COG5: variants seen among roughly 807,000 people sequenced by gnomAD.
The protein encoded by COG5 is conserved oligomeric Golgi complex subunit 5.
Under a neutral mutation model 110.4 loss-of-function variants are expected in COG5, and 86 were observed. The ratio of observed to expected loss-of-function variants is 0.78; its 90% confidence interval spans 0.65 to 0.93. The LOEUF is 0.93. COG5 is among the 40% of genes least tolerant of loss of function. The pLI, the probability that COG5 is intolerant of heterozygous loss-of-function variation, is 0.00. For missense variants in COG5, 1,077 were observed against 987.0 expected (o/e 1.09, Z -1.22); for synonymous variants, 360 against 334.6 (o/e 1.08, Z -0.83).
chr7:107,341,819 G>C (rs1811191309), intron 10 of COG5, among the ~76,000 whole-genome samples: 2 of 152,148 alleles, frequency 1.3e-5, no homozygotes, highest in Admixed American at 1.3e-4. Flanking sequence ...GGGATAACTG[G>C]TAAGCCATAG....
chr7:107,527,431 C>G (rs1800854925), intron 5 of COG5, 74 bp from the exon 6 acceptor site: 1 of 1,533,476 alleles, frequency 6.5e-7, no homozygotes, highest in East Asian at 2.3e-5. Flanking sequence ...TAATAACAAG[C>G]ACAGTGGGTT....
chr7:107,281,406 A>G lies in COG5; in HGVS notation c.1476-7T>C. Reference sequence around the variant, plus strand: ...AGCAGCAACATTTAGTTCACTGGAGAAAATGAAAACAGTTTTTAAATATTA... The same window carrying G: ...AGCAGCAACATTTAGTTCACTGGAGGAAATGAAAACAGTTTTTAAATATTA... On this transcript the variant is annotated splice_region_variant and splice_polypyrimidine_tract_variant and intron_variant, in intron 13 of 21. Transcript: ENST00000297135. 1.2e-6 allele frequency: 2 copies of G among 1,602,186 alleles called. No individual in the cohort carries two copies. The highest frequency in any genetic ancestry group is 1.7e-6 in the Non-Finnish European group (2 of 1,169,316).
chr7:107,323,527 T>C (rs574678189), intron 11 of COG5, among the ~76,000 whole-genome samples: 1 of 152,264 alleles, frequency 6.6e-6, no homozygotes, highest in Admixed American at 6.5e-5. Context: ...CAAGACTCCG[T>C]CTGGAAAAAA....
At chr7:107,505,066 T>C (rs536414121) in intron 6 of COG5, among the ~76,000 whole-genome samples, 2 of 152,350 alleles carry the variant, frequency 1.3e-5, no homozygotes, top group East Asian at 3.9e-4. Flanking sequence ...GTGAGCAAGT[T>C]CACTGTCTCC....
At position 107,393,513 on chromosome 7, in the gene COG5, G is replaced by C. The variant is rs182556125; in HGVS notation, c.669+18989C>G. On this transcript the variant is annotated intron_variant, in intron 7 of 21. Transcript: ENST00000297135. ...CATCACAAGATAGGCATGATAAGTA[G>C]CATAATGCTAACTTTATAGTTAAGG... Among the ~76,000 whole-genome samples the C allele has an allele frequency of 4.5e-3, 678 of 152,288 alleles. 3 individuals are homozygous for C. Among genetic ancestry groups the C allele is most frequent in the African/African-American group, 0.016 (648 of 41,576 alleles).
chr7:107,338,632 A>C (rs1473564385), intron 10 of COG5, among the ~76,000 whole-genome samples: 7 of 152,150 alleles, frequency 4.6e-5, no homozygotes, highest in Non-Finnish European at 1.0e-4. Context: ...ATTACACTAC[A>C]TCAAACTTGA....
At chr7:107,295,066 CAT>C (rs1186377118) in intron 12 of COG5, among the ~76,000 whole-genome samples, 1,392 of 45,598 alleles carry the variant, frequency 0.031, 15 homozygotes, top group African/African-American at 0.065. Flanking sequence ...CACACACACA[CAT>C]ATATATATAT....
chr7:107,346,685 C>T (rs1228685352), intron 10 of COG5, among the ~76,000 whole-genome samples: 1 of 151,946 alleles, frequency 6.6e-6, no homozygotes, highest in Non-Finnish European at 1.5e-5. Flanking sequence ...ACCACATAAA[C>T]AGGAGGATAT....
At chr7:107,560,429 T>C (rs557417267) in intron 1 of COG5, among the ~76,000 whole-genome samples, 11 of 152,352 alleles carry the variant, frequency 7.2e-5, no homozygotes, top group African/African-American at 2.6e-4. Context: ...AGTGACAAGC[T>C]GAAAATGGGT....
At chr7:107,247,208 G>C (rs567738397) in intron 17 of COG5, among the ~76,000 whole-genome samples, 6 of 152,074 alleles carry the variant, frequency 3.9e-5, no homozygotes, top group Non-Finnish European at 7.4e-5. Context: ...ACAGACACTG[G>C]GGTCGACTTG....
chr7:107,288,907 G>GATATATATAT (rs60313728), intron 12 of COG5, among the ~76,000 whole-genome samples: 35 of 94,130 alleles, frequency 3.7e-4, no homozygotes, highest in Middle Eastern at 6.8e-3. Flanking sequence ...TTCTAACAGA[G>GATATATATAT]ATATATATAT....
At chr7:107,241,789 T>G (rs577846060) in intron 17 of COG5, among the ~76,000 whole-genome samples, 1 of 152,094 alleles carries the variant, frequency 6.6e-6, no homozygotes, top group South Asian at 2.1e-4. Context: ...GACTGATCTT[T>G]CCTTTTTTTG....
Position 107,201,529 on chromosome 7 carries a change from C to T in COG5, c.*1987G>A. ...AAGGTCTCACCATTTGTCCTCAATT[C>T]GTGTGACCATAAGATACTGATAGCA... is the stretch of plus-strand genomic sequence containing the variant. On this transcript the variant is annotated 3_prime_UTR_variant, in exon 22 of 22. Coordinates refer to ENST00000297135, the MANE Select transcript of COG5 (RefSeq NM_006348.5). The T allele has an allele frequency of 8.8e-6, 6 of 685,338 alleles. No individual in the cohort carries two copies. Among genetic ancestry groups the T allele is most frequent in the Admixed American group, 4.6e-5 (2 of 43,544 alleles). 42.5% of individuals were successfully genotyped at this position (685,338 alleles called of 1,614,324 possible).
At chr7:107,306,767 C>T (rs1306873739) in intron 11 of COG5, among the ~76,000 whole-genome samples, 2 of 152,090 alleles carry the variant, frequency 1.3e-5, no homozygotes, top group Non-Finnish European at 2.9e-5. Context: ...AGGAAAATGG[C>T]CATCTTTCCT....
At chr7:107,397,894 C>A (rs1308757881) in intron 7 of COG5, among the ~76,000 whole-genome samples, 1 of 151,650 alleles carries the variant, frequency 6.6e-6, no homozygotes, top group African/African-American at 2.4e-5. Context: ...GCAAAGGTAT[C>A]CACAAATTAC....
At position 107,291,420 on chromosome 7, in the gene COG5, T is replaced by G. The variant is rs114555933; in HGVS notation, c.1313+6722A>C. 9.2e-3 allele frequency among the ~76,000 whole-genome samples: 1,400 copies of G among 152,250 alleles called. 20 individuals are homozygous for G. Among genetic ancestry groups the G allele is most frequent in the African/African-American group, 0.032 (1,336 of 41,558 alleles). ...ACATTGTTGCAACTCTGGGTACTGGTCCCCGCAGCTCTAAGGCTTGTTATT... is the reference window on the plus strand; with the variant it reads ...ACATTGTTGCAACTCTGGGTACTGGGCCCCGCAGCTCTAAGGCTTGTTATT... On this transcript the variant is annotated intron_variant, in intron 12 of 21. Coordinates refer to ENST00000297135, the MANE Select transcript of COG5 (RefSeq NM_006348.5).
chr7:107,392,769 T>C (rs940675824), intron 7 of COG5, among the ~76,000 whole-genome samples: 5 of 152,146 alleles, frequency 3.3e-5, no homozygotes, highest in African/African-American at 1.2e-4. Context: ...TGTCCTTTTT[T>C]TAATTGTAGA....
intron 17 of COG5, among the ~76,000 whole-genome samples, chr7:107,244,904 A>G (rs1801935360): frequency 1.3e-5 from 2 of 152,344 alleles, no homozygotes; most frequent in East Asian, 1.9e-4. Context: ...TACAGAAACT[A>G]TTCCAAAAAA....
At chr7:107,430,575 T>C (rs1011079342) in intron 6 of COG5, among the ~76,000 whole-genome samples, 5 of 152,236 alleles carry the variant, frequency 3.3e-5, no homozygotes, top group Non-Finnish European at 7.3e-5. Context: ...TTTTTAGAAT[T>C]TGTTTTAGCT....
Sources: gnomAD v4.1 joint callset for allele counts (sites outside exome capture counted in the v4.1 genomes callset) on GRCh38, gnomAD v4.1.1 for gene constraint, MANE v1.5 for transcripts, NCBI Gene and HGNC (gene_info 2026-07-23, HGNC 2026-07-21) for gene names.